The following ANKRD46 variants were observed in gnomAD, a reference collection of about 807,000 sequenced individuals.
ANKRD46 encodes ankyrin repeat domain-containing protein 46.
In ANKRD46, 13 loss-of-function variants were observed where a neutral mutation model predicts 19.8. The observed-to-expected ratio is 0.66, with a 90% CI of 0.43 to 1.04. ANKRD46 has a LOEUF of 1.04. Ranked by LOEUF, ANKRD46 falls within the 50% of genes least tolerant of loss-of-function variation. The pLI, the probability that ANKRD46 is intolerant of heterozygous loss-of-function variation, is 0.00. For missense variants in ANKRD46, 185 were observed against 274.8 expected (o/e 0.67, Z 2.31); for synonymous variants, 91 against 106.9 (o/e 0.85, Z 0.92).
rs573011047 is a variant in ANKRD46 at position 100,531,652 on chromosome 8, G to C, written c.-28+1557C>G. ...GAGGAGCCACTGAAGGATTTTTTTTGTTTTAAATTGAGACAGGTTCTTGCT... is the reference window on the plus strand; with the variant it reads ...GAGGAGCCACTGAAGGATTTTTTTTCTTTTAAATTGAGACAGGTTCTTGCT... On this transcript the variant is annotated intron_variant, in intron 2 of 4. Transcript: ENST00000335659. Among the ~76,000 whole-genome samples the C allele has an allele frequency of 5.9e-5, 9 of 151,756 alleles. No homozygotes were observed. In the South Asian group the frequency reaches 1.9e-3, roughly 32 times the overall value.
At position 100,530,365 on chromosome 8, in the gene ANKRD46, G is replaced by A. The variant is rs567349984; in HGVS notation, c.-27-505C>T. ...AAGAACTTATACTCAACAAAGACCT[G>A]TAGAGTGTTATGTTTATAGCACAAT... On this transcript the variant is annotated intron_variant, in intron 2 of 4. Transcript: ENST00000335659. 6.0e-5 allele frequency among the ~76,000 whole-genome samples: 9 copies of A among 150,410 alleles called. No homozygotes were observed. In the South Asian group the frequency reaches 1.9e-3, roughly 32 times the overall value.
chr8:100,510,529 T>C lies in ANKRD46; in HGVS notation c.*48A>G. The C allele has an allele frequency of 6.6e-7, 1 of 1,512,990 alleles. No homozygotes were observed. Among genetic ancestry groups the C allele is most frequent in the Non-Finnish European group, 8.8e-7 (1 of 1,130,268 alleles). The allele number at this position is 1,512,990 out of a possible 1,614,324, so 93.7% of individuals were successfully genotyped here. ...CAGGGACGCTGACGTCTGTATCCCT[T>C]CTTTCTTGCCTTCTGAGGCTCAGGA... is the stretch of plus-strand genomic sequence containing the variant. On this transcript the variant is annotated 3_prime_UTR_variant, in exon 6 of 6. Coordinates refer to the ANKRD46 transcript ENST00000520552. The surrounding 1 kb of genome is among the most constrained non-coding windows in gnomAD (Gnocchi z 4.9).
chr8:100,535,403 T>C (rs73696797), intron 1 of ANKRD46, among the ~76,000 whole-genome samples: 2,322 of 152,338 alleles, frequency 0.015, 53 homozygotes, highest in African/African-American at 0.051. Context: ...GTGCACCCTT[T>C]ATCCAGTTTC....
chr8:100,555,203 T>C (rs966255406), intron 1 of ANKRD46, among the ~76,000 whole-genome samples: 16 of 151,794 alleles, frequency 1.1e-4, no homozygotes, highest in African/African-American at 3.9e-4. Flanking sequence ...TTCAGTAGAA[T>C]GGTACTAGTA....
At position 100,521,134 on chromosome 8, in the gene ANKRD46, A is replaced by G. The variant is rs768089987; in HGVS notation, c.*1421T>C. ...GAATTTTACAACAGCTATTAAAGAG[A>G]GGATAAAGCCACATGAAAGAGCAAG... is the stretch of plus-strand genomic sequence containing the variant. On this transcript the variant is annotated 3_prime_UTR_variant, in exon 5 of 5. Coordinates refer to ENST00000335659, the MANE Select transcript of ANKRD46 (RefSeq NM_001270377.2). The G allele has an allele frequency of 4.1e-6, 4 of 985,150 alleles. No homozygotes were observed. The highest frequency in any genetic ancestry group is 4.8e-6 in the Non-Finnish European group (4 of 829,906). 61.0% of individuals were successfully genotyped at this position (985,150 alleles called of 1,614,324 possible).
At position 100,550,441 on chromosome 8, in the gene ANKRD46, T is replaced by C. The variant is rs1355469075; in HGVS notation, c.-131+9270A>G. The C allele has an allele frequency of 6.6e-6, 1 of 152,410 alleles. No individual in the cohort carries two copies. The highest frequency in any genetic ancestry group is 1.5e-5 in the Non-Finnish European group (1 of 68,192). 9.4% of individuals were successfully genotyped at this position (152,410 alleles called of 1,614,324 possible). A position where few individuals can be genotyped will look rare whatever the true frequency, so the allele number is the denominator to read the frequency against. On this transcript the variant is annotated intron_variant, in intron 1 of 4. Transcript: ENST00000335659. This position sits in a 1 kb window ranked among gnomAD's most constrained non-coding sequence, Gnocchi z 4.4. The stretch of plus-strand genomic sequence containing the variant: ...TGACGTGGAGCATCTTTTTCATATG[T>C]TTATTTGCCATCTGTATATCCTCTG...
rs1309313902 is a variant in ANKRD46, at chr8:100,510,468, C to T, written c.*109G>A. On this transcript the variant is annotated 3_prime_UTR_variant, in exon 6 of 6. Coordinates refer to the ANKRD46 transcript ENST00000520552. The surrounding 1 kb of genome is among the most constrained non-coding windows in gnomAD (Gnocchi z 4.9). ...ACTGCAGAGCTTTGAGATGATGCTC[C>T]ATGACACAAGTCGTGACGGAAACAG... The T allele has an allele frequency of 8.4e-6, 9 of 1,068,756 alleles. No homozygotes were observed. The highest frequency in any genetic ancestry group is 1.2e-5 in the Non-Finnish European group (9 of 756,194). 66.2% of individuals were successfully genotyped at this position (1,068,756 alleles called of 1,614,324 possible). A position where few individuals can be genotyped will look rare whatever the true frequency, so the allele number is the denominator to read the frequency against.
intron 4 of ANKRD46, 127 bp from the exon 5 acceptor site, chr8:100,522,898 C>CAT: frequency 1.9e-6 from 1 of 519,084 alleles, no homozygotes; most frequent in Non-Finnish European, 3.3e-6. Flanking sequence ...CACACACACA[C>CAT]ACACACATAT....
intron 1 of ANKRD46, chr8:100,551,167 G>A: frequency 2.3e-6 from 1 of 438,550 alleles, no homozygotes. Context: ...AGTCTTCTGG[G>A]CAGGAGTGGC....
chr8:100,548,016 G>C (rs1218079165), intron 1 of ANKRD46, among the ~76,000 whole-genome samples: 5 of 151,812 alleles, frequency 3.3e-5, no homozygotes, highest in African/African-American at 9.7e-5. Context: ...CAAGCTAAAA[G>C]TATTTTTAGT....
At chr8:100,514,990 A>G (rs1394121660) in intron 5 of ANKRD46, among the ~76,000 whole-genome samples, 1 of 152,164 alleles carries the variant, frequency 6.6e-6, no homozygotes, top group Admixed American at 6.5e-5. Flanking sequence ...AGATGCTTCT[A>G]AAGATGTGGA....
intron 1 of ANKRD46, among the ~76,000 whole-genome samples, chr8:100,549,117 GT>G (rs57850231): frequency 0.83 from 118,576 of 143,672 alleles, 49,341 homozygotes; most frequent in African/African-American, 0.9. Context: ...CATTAATGCT[GT>G]TTTTTTTTTT....
chr8:100,528,242 T>C (rs891728086), intron 3 of ANKRD46, among the ~76,000 whole-genome samples: 3 of 152,160 alleles, frequency 2.0e-5, no homozygotes, highest in Admixed American at 6.5e-5. Context: ...GATGGGATTT[T>C]TGCACAGTTC....
intron 1 of ANKRD46, among the ~76,000 whole-genome samples, chr8:100,535,399 C>T (rs912866212): frequency 6.6e-6 from 1 of 152,114 alleles, no homozygotes; most frequent in Non-Finnish European, 1.5e-5. Flanking sequence ...TCCTGTGCAC[C>T]CTTTATCCAG....
At chr8:100,547,104 G>C (rs1422504923) in intron 1 of ANKRD46, among the ~76,000 whole-genome samples, 2 of 152,214 alleles carry the variant, frequency 1.3e-5, no homozygotes, top group Non-Finnish European at 2.9e-5. Context: ...AATGAGTTAA[G>C]ACTTTGGGGG....
Position 100,522,071 on chromosome 8 carries a change from G to T in ANKRD46, c.*484C>A. 1 of 986,646 alleles carries T rather than the reference G, an allele frequency of 1.0e-6. No homozygotes were observed. The allele number at this position is 986,646 out of a possible 1,614,324, so 61.1% of individuals were successfully genotyped here. On this transcript the variant is annotated 3_prime_UTR_variant, in exon 5 of 5. Transcript: ENST00000335659. Reference sequence around the variant, plus strand: ...CAATACTAATTTGCACACAAGATTTGAAAAAAGTACTTCAAGTTTTATCTC... The same window carrying T: ...CAATACTAATTTGCACACAAGATTTTAAAAAAGTACTTCAAGTTTTATCTC...
intron 1 of ANKRD46, among the ~76,000 whole-genome samples, chr8:100,541,999 CTT>C (rs1417288812): frequency 6.6e-6 from 1 of 152,100 alleles, no homozygotes; most frequent in East Asian, 1.9e-4. Context: ...AGTAAGTACA[CTT>C]TGTACACAAA....
intron 1 of ANKRD46, chr8:100,556,596 A>T (rs2130714668): frequency 6.6e-6 from 1 of 152,326 alleles, no homozygotes; most frequent in Non-Finnish European, 1.5e-5. Flanking sequence ...TCCATACTGC[A>T]GTCTCCAATG....
At position 100,553,391 on chromosome 8, in the gene ANKRD46, C is replaced by A. The variant is rs117923871; in HGVS notation, c.-131+6320G>T. On this transcript the variant is annotated intron_variant, in intron 1 of 4. Transcript: ENST00000335659. ...ACTGATAGTAGGACTAAAACTGCCA[C>A]CAAAGTTAAAATGCCTATATAAACT... 3.9e-5 allele frequency among the ~76,000 whole-genome samples: 6 copies of A among 152,250 alleles called. No individual in the cohort carries two copies. In the East Asian group the frequency reaches 1.2e-3, roughly 29 times the overall value.
Sources: gnomAD v4.1 joint callset for allele counts (sites outside exome capture counted in the v4.1 genomes callset) on GRCh38, gnomAD v4.1.1 for gene constraint, Gnocchi (gnomAD v3.1) non-coding constraint, MANE v1.5 for transcripts, NCBI Gene and HGNC (gene_info 2026-07-23, HGNC 2026-07-21) for gene names.